TTLL10: variants seen among roughly 807,000 people sequenced by gnomAD.
The protein encoded by TTLL10 is inactive polyglycylase TTLL10.
In TTLL10, 61 loss-of-function variants were observed where a neutral mutation model predicts 69.0. The observed-to-expected ratio is 0.88, with a 90% CI of 0.72 to 1.09. TTLL10 has a LOEUF of 1.09. TTLL10 is among the 50% of genes least tolerant of loss of function. TTLL10 has a pLI of 0.00. For synonymous variants in TTLL10, 408 were observed against 393.3 expected, an observed-to-expected ratio of 1.04 and a Z score of -0.44; for missense variants, 962 against 945.9, an observed-to-expected ratio of 1.02 and a Z score of -0.22.
intron 13 of TTLL10, among the ~76,000 whole-genome samples, chr1:1,195,774 G>T (rs535452075): frequency 3.7e-4 from 56 of 152,022 alleles, no homozygotes; most frequent in Non-Finnish European, 6.3e-4. Context: ...CAAGTAGGTG[G>T]GACTACAGGC....
In TTLL10 at chr1:1,180,146, A is replaced by G; in HGVS notation, c.312A>G (p.Ala104=). Residue 104 remains alanine, a synonymous_variant, in exon 6 of 16, where the codon GCA becomes GCG. Transcript: ENST00000379289. ...ACTGTGGGCCGGACCTGGAGGGGGC[A>G]GAAAGAGCCTCTGCCACACCCGGAC... ...DGHCGPDLEG[A]ERASATPGPP... 6.2e-7 allele frequency: 1 copy of G among 1,611,232 alleles called. No individual in the cohort carries two copies. The highest frequency in any genetic ancestry group is 8.5e-7 in the Non-Finnish European group (1 of 1,179,390).
At chr1:1,187,060 A>G (rs1329083584) in intron 13 of TTLL10, among the ~76,000 whole-genome samples, 2 of 151,326 alleles carry the variant, frequency 1.3e-5, no homozygotes, top group Non-Finnish European at 2.9e-5. Context: ...GTTAGCCAGG[A>G]TGGTCTCGAT....
rs1324446352 is a variant in TTLL10 at position 1,185,094 on chromosome 1, C to T, written c.1386C>T (p.Val462=). 6 of 1,613,926 alleles carry T rather than the reference C, an allele frequency of 3.7e-6. No homozygotes were observed. Among genetic ancestry groups the T allele is most frequent in the Non-Finnish European group, 5.1e-6 (6 of 1,179,914 alleles). ...CCCGGGGCCTCGCCAAGGACTGGGT[C>T]TTCACCACCCTCAAGGTGCGTCCAC... is the stretch of plus-strand genomic sequence containing the variant. ...WKARGLAKDW[V]FTTLKKRMQQ... is the part of the protein sequence containing the mutation. Residue 462 remains valine, a synonymous_variant, in exon 13 of 16, where the codon GTC becomes GTT. Coordinates refer to ENST00000379289, the MANE Select transcript of TTLL10 (RefSeq NM_001130045.2). This position sits in a 1 kb window ranked among gnomAD's most constrained non-coding sequence, Gnocchi z 6.1.
chr1:1,179,936 T>C (rs1304365584), intron 5 of TTLL10, 98 bp from the exon 6 acceptor site: 1 of 1,441,600 alleles, frequency 6.9e-7, no homozygotes, highest in African/African-American at 1.4e-5. Context: ...TTGTCCAGGG[T>C]ATTGGAGAAA....
chr1:1,181,458 C>T lies in TTLL10; in HGVS notation c.756-283C>T, dbSNP rs900902327. ...CCCTCCTCACTTCATTTGGCCCAGA[C>T]ATTTTTGCACCAAGCACCCGCCCAG... is the stretch of plus-strand genomic sequence containing the variant. On this transcript the variant is annotated intron_variant, in intron 8 of 15. Coordinates refer to ENST00000379289, the MANE Select transcript of TTLL10 (RefSeq NM_001130045.2). This position sits in a 1 kb window ranked among gnomAD's most constrained non-coding sequence, Gnocchi z 4.6. Among the ~76,000 whole-genome samples, 2 of 152,060 alleles carry T rather than the reference C, an allele frequency of 1.3e-5. No individual in the cohort carries two copies. The highest frequency in any genetic ancestry group is 2.1e-4 in the South Asian group (1 of 4,816).
At chr1:1,177,286 G>A (rs1000321863) in intron 3 of TTLL10, among the ~76,000 whole-genome samples, 11 of 151,862 alleles carry the variant, frequency 7.2e-5, no homozygotes, top group Non-Finnish European at 1.5e-4. Flanking sequence ...GTGTCTGTGC[G>A]TGTGTGTGTG....
In TTLL10 at chr1:1,182,407, C is replaced by G. The variant is rs779489079; in HGVS notation, c.877C>G (p.Leu293Val). ...TTTCCCAGAGACCTACCGCCTGGACCTCAAACACGAGAGAGAGGCCTTTTT... is the reference window on the plus strand; with the variant it reads ...TTTCCCAGAGACCTACCGCCTGGACGTCAAACACGAGAGAGAGGCCTTTTT... ...EFFPETYRLD[L>V]KHEREAFFTL... The change falls in exon 10 of 16, where the codon CTC becomes GTC. Residue 293 changes from leucine to valine, a missense_variant. Physicochemically the swap from Leu to Val is conservative, Grantham distance 32 (BLOSUM62 1). Transcript: ENST00000379289. The G allele has an allele frequency of 1.2e-6, 2 of 1,613,852 alleles. No individual in the cohort carries two copies. The highest frequency in any genetic ancestry group is 4.5e-5 in the East Asian group (2 of 44,876).
In TTLL10 at chr1:1,197,460, G is replaced by A; in HGVS notation, c.1635G>A (p.Arg545=). Residue 545 remains arginine, a synonymous_variant, in exon 16 of 16, where the codon CGG becomes CGA. Transcript: ENST00000379289. Reference sequence around the variant, plus strand: ...CAGACCTGGTGCTCGAGACCTTCCGGAAGAGCCTGCGCGGCCAGAAGATGT... The same window carrying A: ...CAGACCTGGTGCTCGAGACCTTCCGAAAGAGCCTGCGCGGCCAGAAGATGT... ...ETLDLVLETF[R]KSLRGQKMLP... The A allele has an allele frequency of 1.3e-6, 2 of 1,542,844 alleles. No homozygotes were observed. Among genetic ancestry groups the A allele is most frequent in the East Asian group, 4.9e-5 (2 of 40,746 alleles).
rs1405711030 is a variant in TTLL10 at position 1,180,197 on chromosome 1, G to C, written c.363G>C (p.Arg121=). Residue 121 remains arginine (R), a synonymous_variant, in exon 6 of 16, where the codon CGG becomes CGC. Transcript: ENST00000379289. ...PGPPGLLNSH[R]PADSDDTNAA... ...CCCCTGGGCTCCTGAACAGCCACCGGCCTGCAGACTCGGATGACACTAACG... is the reference window on the plus strand; with the variant it reads ...CCCCTGGGCTCCTGAACAGCCACCGCCCTGCAGACTCGGATGACACTAACG... 3.1e-6 allele frequency: 5 copies of C among 1,611,146 alleles called. No individual in the cohort carries two copies. Among genetic ancestry groups the C allele is most frequent in the Non-Finnish European group, 4.2e-6 (5 of 1,179,408 alleles).
intron 13 of TTLL10, chr1:1,196,386 T>C (rs1648209785): frequency 1.8e-6 from 1 of 560,300 alleles, no homozygotes; most frequent in Non-Finnish European, 3.2e-6. Flanking sequence ...GTATCTCCAG[T>C]GCCTGACACA....
chr1:1,187,003 C>T (rs957080695), intron 13 of TTLL10, among the ~76,000 whole-genome samples: 2 of 144,118 alleles, frequency 1.4e-5, no homozygotes, highest in Non-Finnish European at 3.0e-5. Context: ...CCCGCCACCA[C>T]GCCCGGCTAA....
intron 13 of TTLL10, among the ~76,000 whole-genome samples, chr1:1,189,456 G>A (rs1647585186): frequency 1.3e-5 from 2 of 152,158 alleles, no homozygotes; most frequent in Admixed American, 6.5e-5. Context: ...TGATGGTATA[G>A]AACCATTTAA....
chr1:1,190,643 T>C (rs1647703910), intron 13 of TTLL10, among the ~76,000 whole-genome samples: 1 of 151,974 alleles, frequency 6.6e-6, no homozygotes, highest in Admixed American at 6.6e-5. Context: ...CTGGCAAGGC[T>C]GGTCTCAAAC....
intron 3 of TTLL10, among the ~76,000 whole-genome samples, chr1:1,177,041 C>T (rs778310798): frequency 8.0e-5 from 12 of 150,388 alleles, no homozygotes; most frequent in Non-Finnish European, 1.6e-4. Context: ...TGTGTGTCAG[C>T]GTCTGTGTGT....
chr1:1,187,368 G>A (rs1451161839), intron 13 of TTLL10, among the ~76,000 whole-genome samples: 2 of 151,976 alleles, frequency 1.3e-5, no homozygotes, highest in African/African-American at 4.8e-5. Flanking sequence ...GGTGACTCAC[G>A]CCTGTAATCC....
rs972132924 is a variant in TTLL10 at position 1,181,602 on chromosome 1, G to A, written c.756-139G>A. The A allele has an allele frequency of 1.1e-4, 77 of 731,994 alleles. No homozygotes were observed. In the Admixed American group the frequency reaches 1.5e-3, roughly 15 times the overall value. 45.3% of individuals were successfully genotyped at this position (731,994 alleles called of 1,614,324 possible). ...AACACAGCTGTTTCCCCCAGGCACC[G>A]CCGTCCACCCAGCCACCTCCTTCCA... On this transcript the variant is annotated intron_variant, in intron 8 of 15. Coordinates refer to ENST00000379289, the MANE Select transcript of TTLL10 (RefSeq NM_001130045.2). This position sits in a 1 kb window ranked among gnomAD's most constrained non-coding sequence, Gnocchi z 4.6.
At chr1:1,180,687 G>A (rs761039865) in intron 7 of TTLL10, 44 bp from the exon 8 acceptor site, 6 of 1,578,258 alleles carry the variant, frequency 3.8e-6, no homozygotes, top group Non-Finnish European at 5.2e-6. Flanking sequence ...TGGGGACCGA[G>A]GTCCTGCGCT....
Position 1,185,379 on chromosome 1 carries a change from G to A in TTLL10, c.1401+270G>A, listed in dbSNP as rs907372955. The A allele has an allele frequency of 3.0e-6, 4 of 1,312,156 alleles. No homozygotes were observed. Among genetic ancestry groups the A allele is most frequent in the Non-Finnish European group, 3.9e-6 (4 of 1,031,808 alleles). 81.3% of individuals were successfully genotyped at this position (1,312,156 alleles called of 1,614,324 possible). ...CGGGCAGCCTCGCCGTAGGGTCAGG[G>A]GACAGCTCGGCTTCAGTGACAGCCA... is the stretch of plus-strand genomic sequence containing the variant. On this transcript the variant is annotated intron_variant, in intron 13 of 15. Coordinates refer to ENST00000379289, the MANE Select transcript of TTLL10 (RefSeq NM_001130045.2). This position sits in a 1 kb window ranked among gnomAD's most constrained non-coding sequence, Gnocchi z 6.1.
chr1:1,185,534 C>G lies in TTLL10; in HGVS notation c.1401+425C>G. On this transcript the variant is annotated intron_variant, in intron 13 of 15. Transcript: ENST00000379289. This position sits in a 1 kb window ranked among gnomAD's most constrained non-coding sequence, Gnocchi z 6.1. ...GCCCGGACTCTCCCTAGCTAAGGGC[C>G]ATGTGCGGTGGAGTGTCCTAATTTT... The G allele has an allele frequency of 9.8e-7, 1 of 1,018,536 alleles. No homozygotes were observed. Among genetic ancestry groups the G allele is most frequent in the Middle Eastern group, 4.9e-4 (1 of 2,058 alleles). The allele number at this position is 1,018,536 out of a possible 1,614,324, so 63.1% of individuals were successfully genotyped here.
Sources: allele counts gnomAD v4.1 joint callset (sites outside exome capture counted in the v4.1 genomes callset), GRCh38; gene constraint gnomAD v4.1.1; non-coding constraint Gnocchi (gnomAD v3.1); transcripts MANE v1.5; gene names NCBI Gene and HGNC (gene_info 2026-07-23, HGNC 2026-07-21).